Variants in PTPN9 observed in about 807,000 individuals in gnomAD.
PTPN9 encodes the protein tyrosine-protein phosphatase non-receptor type 9.
In PTPN9, 26 loss-of-function variants were observed where a neutral mutation model predicts 69.8. The ratio of observed to expected loss-of-function variants is 0.37; its 90% CI spans 0.27 to 0.52. The LOEUF (loss-of-function observed/expected upper bound fraction) is 0.52. Ranked by LOEUF, PTPN9 falls within the 20% of genes least tolerant of loss-of-function variation. The pLI, the probability that PTPN9 is intolerant of heterozygous loss-of-function variation, is 0.91. For missense variants in PTPN9, 549 were observed against 740.3 expected (o/e 0.74, Z 3.00); for synonymous variants, 274 against 272.5 (o/e 1.01, Z -0.05).
intron 3 of PTPN9, among the ~76,000 whole-genome samples, chr15:75,523,523 G>T (rs1483830058): frequency 1.3e-5 from 2 of 152,128 alleles, no homozygotes; most frequent in African/African-American, 4.8e-5. Context: ...CTGTGCACTG[G>T]CTTCCTAGCT....
intron 1 of PTPN9, among the ~76,000 whole-genome samples, chr15:75,556,036 C>CA (rs75583219): frequency 0.045 from 1,930 of 42,474 alleles, 29 homozygotes; most frequent in African/African-American, 0.086. Flanking sequence ...ACCCCCGTCT[C>CA]AAAAAAAAAA....
chr15:75,549,453 C>T (rs2075047527), intron 1 of PTPN9, among the ~76,000 whole-genome samples: 1 of 152,122 alleles, frequency 6.6e-6, no homozygotes, highest in African/African-American at 2.4e-5. Flanking sequence ...CTGCCTACCT[C>T]AGCCTCCCAA....
intron 8 of PTPN9, among the ~76,000 whole-genome samples, chr15:75,486,651 G>A (rs939550400): frequency 6.6e-6 from 1 of 152,204 alleles, no homozygotes; most frequent in Middle Eastern, 3.4e-3. Flanking sequence ...AGCAAATCAA[G>A]TAAACAATTC....
chr15:75,564,874 C>T (rs570827427), intron 1 of PTPN9, among the ~76,000 whole-genome samples: 2 of 151,700 alleles, frequency 1.3e-5, no homozygotes, highest in East Asian at 1.9e-4. Context: ...GAGCCTGAGG[C>T]GGGCAGATCA....
chr15:75,511,120 T>C (rs1276201493), intron 5 of PTPN9, among the ~76,000 whole-genome samples: 1 of 152,254 alleles, frequency 6.6e-6, no homozygotes, highest in East Asian at 1.9e-4. Flanking sequence ...AATCCGTTGA[T>C]GGACATTTGG....
chr15:75,527,854 C>CAAAA (rs541275769), intron 1 of PTPN9, among the ~76,000 whole-genome samples: 2 of 125,636 alleles, frequency 1.6e-5, no homozygotes, highest in African/African-American at 5.9e-5. Context: ...GAAACTGTCT[C>CAAAA]AAAAAAAAAA....
intron 1 of PTPN9, among the ~76,000 whole-genome samples, chr15:75,564,726 G>T (rs1468828838): frequency 6.6e-6 from 1 of 152,092 alleles, no homozygotes; most frequent in Non-Finnish European, 1.5e-5. Context: ...GGAGGGCAAG[G>T]TAGGAGGATC....
rs758717324 is a variant in PTPN9, at chr15:75,505,990, T to C, written c.653A>G (p.Lys218Arg). The C allele has an allele frequency of 1.2e-6, 2 of 1,610,652 alleles. No individual in the cohort carries two copies. Among genetic ancestry groups the C allele is most frequent in the Admixed American group, 1.7e-5 (1 of 59,882 alleles). ...DKVRERIQIL[K>R]TSEVTQHLPR... Reference sequence around the variant, plus strand: ...CAGATGCTGCGTGACCTCAGATGTCTTTAATATTTGAATCTGGAAGGTTAG... The same window carrying C: ...CAGATGCTGCGTGACCTCAGATGTCCTTAATATTTGAATCTGGAAGGTTAG... The change falls in exon 7 of 13, where the codon AAG (lysine) becomes AGG (arginine). Residue 218 changes from lysine (K) to arginine (R), a missense_variant. By Grantham distance (26) the Lys-to-Arg change is conservative. Transcript: ENST00000618819.
chr15:75,496,811 A>G (rs1368910148), intron 7 of PTPN9, among the ~76,000 whole-genome samples: 1 of 152,094 alleles, frequency 6.6e-6, no homozygotes, highest in African/African-American at 2.4e-5. Flanking sequence ...CTGGCATATT[A>G]TAAGCATTTT....
chr15:75,496,014 C>T (rs1022897629), intron 7 of PTPN9, among the ~76,000 whole-genome samples: 2 of 151,242 alleles, frequency 1.3e-5, no homozygotes, highest in Non-Finnish European at 2.9e-5. Context: ...TGAAGCATGC[C>T]TGTGGTCCCA....
chr15:75,558,542 C>CGATCCCTCTCTTGCCACGGTCT (rs1318489372), intron 1 of PTPN9, among the ~76,000 whole-genome samples: 1 of 151,976 alleles, frequency 6.6e-6, no homozygotes, highest in African/African-American at 2.4e-5. Flanking sequence ...CACGGTCTCC[C>CGATCCCTCTCTTGCCACGGTCT]GATCCCTCTC....
chr15:75,479,995 A>C, intron 8 of PTPN9, 81 bp from the exon 9 acceptor site: 1 of 966,248 alleles, frequency 1.0e-6, no homozygotes, highest in Non-Finnish European at 1.6e-6. Context: ...AGTAAGTAAA[A>C]CCCAAGGTGT....
intron 5 of PTPN9, among the ~76,000 whole-genome samples, chr15:75,511,261 T>C (rs1179414278): frequency 1.3e-5 from 2 of 150,480 alleles, no homozygotes; most frequent in African/African-American, 4.9e-5. Flanking sequence ...GTTTTTGTCC[T>C]TTTTTTTTGA....
chr15:75,570,918 C>A (rs1288379170), intron 1 of PTPN9, among the ~76,000 whole-genome samples: 1 of 151,944 alleles, frequency 6.6e-6, no homozygotes, highest in Non-Finnish European at 1.5e-5. Flanking sequence ...ATATTTTTTC[C>A]CCTTGTAATT....
chr15:75,552,137 G>A (rs747608569), intron 1 of PTPN9, among the ~76,000 whole-genome samples: 9 of 151,922 alleles, frequency 5.9e-5, no homozygotes, highest in Middle Eastern at 3.4e-3. Flanking sequence ...GGCGGCTCAC[G>A]TCTGTAATTC....
chr15:75,508,771 G>C (rs2074832392), intron 6 of PTPN9, 146 bp downstream of exon 6: 3 of 618,010 alleles, frequency 4.9e-6, no homozygotes, highest in Non-Finnish European at 5.8e-6. Flanking sequence ...TAATGCATCA[G>C]GTAGAGAATA....
At chr15:75,539,528 G>T (rs969407913) in intron 1 of PTPN9, among the ~76,000 whole-genome samples, 141 of 150,518 alleles carry the variant, frequency 9.4e-4, no homozygotes, top group African/African-American at 3.3e-3. Flanking sequence ...GACTGGTCTC[G>T]AACTCCTGAC....
chr15:75,479,514 A>G (rs1595947015), intron 9 of PTPN9, among the ~76,000 whole-genome samples: 2 of 152,184 alleles, frequency 1.3e-5, no homozygotes, highest in East Asian at 3.8e-4. Flanking sequence ...CTCACTAGAC[A>G]GGAAGAGCAT....
intron 5 of PTPN9, among the ~76,000 whole-genome samples, chr15:75,514,801 G>C (rs2074861188): frequency 6.6e-6 from 1 of 152,008 alleles, no homozygotes; most frequent in South Asian, 2.1e-4. Context: ...AATATATGAA[G>C]ATATAGTTAA....
Sources: allele counts gnomAD v4.1 joint callset (sites outside exome capture counted in the v4.1 genomes callset), GRCh38; gene constraint gnomAD v4.1.1; transcripts MANE v1.5; gene names NCBI Gene and HGNC (gene_info 2026-07-23, HGNC 2026-07-21).